Variants in DACH1 observed in about 807,000 individuals in gnomAD.
DACH1 encodes the protein dachshund homolog 1.
DACH1 carries 12 observed loss-of-function variants against 54.2 expected under a neutral mutation model. The ratio of observed to expected loss-of-function variants is 0.22; its 90% CI spans 0.14 to 0.36. The LOEUF is 0.36. DACH1 is among the 10% of genes least tolerant of loss of function. The probability of loss-of-function intolerance (pLI) is 1.00; values close to 1 mark genes in which losing one functional copy is unlikely to be tolerated. For synonymous variants in DACH1, 386 were observed against 366.2 expected, an observed-to-expected ratio of 1.05 and a Z score of -0.62; for missense variants, 805 against 929.8, an observed-to-expected ratio of 0.87 and a Z score of 1.75.
At chr13:71,592,449 C>T (rs1022765030) in intron 3 of DACH1, among the ~76,000 whole-genome samples, 1 of 137,158 alleles carries the variant, frequency 7.3e-6, no homozygotes, top group Non-Finnish European at 1.5e-5. Flanking sequence ...GAGTCATAAC[C>T]GTGCCACTGC....
At chr13:71,748,859 TTTCTTTCTTTCTTTCTTTCTTTCTTTC>T (rs1884732451) in intron 1 of DACH1, among the ~76,000 whole-genome samples, 4 of 23,506 alleles carry the variant, frequency 1.7e-4, no homozygotes, top group Non-Finnish European at 7.4e-4. Context: ...TCTTTCTTTC[TTTCTTTCTTTCTTTCTTTCTTTCTTTC>T]TTTCTTTCTT....
intron 7 of DACH1, among the ~76,000 whole-genome samples, chr13:71,486,306 C>T (rs1002536600): frequency 6.6e-6 from 1 of 151,746 alleles, no homozygotes; most frequent in African/African-American, 2.4e-5. Context: ...AAGTATGTAC[C>T]ATTTTGGCAT....
At chr13:71,816,465 T>A (rs1887924514) in intron 1 of DACH1, among the ~76,000 whole-genome samples, 1 of 151,604 alleles carries the variant, frequency 6.6e-6, no homozygotes, top group African/African-American at 2.4e-5. Context: ...GCGTGTTCAG[T>A]GCTGCACTAG....
At chr13:71,532,854 A>G (rs1359903443) in intron 6 of DACH1, among the ~76,000 whole-genome samples, 1 of 151,938 alleles carries the variant, frequency 6.6e-6, no homozygotes, top group African/African-American at 2.4e-5. Context: ...TATTTTTATG[A>G]ATCAAATAAA....
At chr13:71,448,386 A>G (rs1874661742) in intron 10 of DACH1, among the ~76,000 whole-genome samples, 1 of 152,242 alleles carries the variant, frequency 6.6e-6, no homozygotes, top group Non-Finnish European at 1.5e-5. Flanking sequence ...ATGAAAACAA[A>G]TGTTAATGAT....
At chr13:71,779,495 A>G (rs1462409660) in intron 1 of DACH1, among the ~76,000 whole-genome samples, 1 of 151,434 alleles carries the variant, frequency 6.6e-6, no homozygotes, top group Non-Finnish European at 1.5e-5. Flanking sequence ...TGAGTAAGAC[A>G]CATTAATTTC....
At chr13:71,841,067 A>C (rs968904352) in intron 1 of DACH1, among the ~76,000 whole-genome samples, 2 of 152,024 alleles carry the variant, frequency 1.3e-5, no homozygotes, top group African/African-American at 4.8e-5. Flanking sequence ...TTTTCCTGGC[A>C]GCTGTATATT....
At chr13:71,732,456 G>T (rs1047578786) in intron 1 of DACH1, among the ~76,000 whole-genome samples, 1 of 151,720 alleles carries the variant, frequency 6.6e-6, no homozygotes, top group Admixed American at 6.6e-5. Flanking sequence ...GTGGTGGTCG[G>T]TACCTGTAAT....
chr13:71,528,846 A>T (rs1161022160), intron 6 of DACH1, among the ~76,000 whole-genome samples: 1 of 152,128 alleles, frequency 6.6e-6, no homozygotes, highest in Non-Finnish European at 1.5e-5. Context: ...GTACTGTCTC[A>T]CACTAAATGT....
chr13:71,507,185 A>G (rs1406756318), intron 6 of DACH1, among the ~76,000 whole-genome samples: 2 of 152,170 alleles, frequency 1.3e-5, no homozygotes, highest in Non-Finnish European at 2.9e-5. Context: ...TCCCCGATCT[A>G]TCCATGCAGT....
rs1280040020 is a variant in DACH1, at chr13:71,786,794, G to GA, written c.848+79127dup. Reference sequence around the variant, plus strand: ...AAACTTCTATCAGAATTTCAGAGGGGAAAAAAAAGCTTTTCTAATGTTTCT... The same window carrying GA: ...AAACTTCTATCAGAATTTCAGAGGGGAAAAAAAAAGCTTTTCTAATGTTTCT... On this transcript the variant is annotated intron_variant, in intron 1 of 10. Coordinates refer to ENST00000613252, the MANE Select transcript of DACH1 (RefSeq NM_080759.6). Among the ~76,000 whole-genome samples, 13 of 151,480 alleles carry GA rather than the reference G, an allele frequency of 8.6e-5. No homozygotes were observed. In the South Asian group the frequency reaches 2.5e-3, roughly 29 times the overall value.
intron 3 of DACH1, among the ~76,000 whole-genome samples, chr13:71,591,412 T>G (rs1873700763): frequency 6.6e-6 from 1 of 152,186 alleles, no homozygotes. Context: ...TATAAATAGT[T>G]ACCACATTAG....
At chr13:71,707,781 CA>C (rs1017032267) in intron 1 of DACH1, among the ~76,000 whole-genome samples, 33 of 152,004 alleles carry the variant, frequency 2.2e-4, no homozygotes, top group Non-Finnish European at 1.6e-4. Context: ...TAGAGGGTGG[CA>C]TCTTTAATAG....
chr13:71,610,283 G>C (rs539159440), intron 3 of DACH1, among the ~76,000 whole-genome samples: 3 of 152,226 alleles, frequency 2.0e-5, no homozygotes, highest in Admixed American at 1.3e-4. Flanking sequence ...ATGTTTTATA[G>C]AGCATTGTAC....
chr13:71,455,737 T>C (rs1202866984), intron 10 of DACH1, among the ~76,000 whole-genome samples: 1 of 152,144 alleles, frequency 6.6e-6, no homozygotes, highest in African/African-American at 2.4e-5. Flanking sequence ...TCTAAAAAGA[T>C]ACCAGATTGA....
chr13:71,738,630 G>A (rs1462405164), intron 1 of DACH1, among the ~76,000 whole-genome samples: 1 of 148,840 alleles, frequency 6.7e-6, no homozygotes, highest in Non-Finnish European at 1.5e-5. Flanking sequence ...TACTCAGGAG[G>A]CTGAGGCAGG....
intron 1 of DACH1, among the ~76,000 whole-genome samples, chr13:71,697,138 C>T (rs1881874294): frequency 1.3e-5 from 2 of 152,026 alleles, no homozygotes; most frequent in African/African-American, 4.8e-5. Flanking sequence ...ATCTGTCTTG[C>T]ATATTTCATG....
chr13:71,549,826 A>G, intron 6 of DACH1, among the ~76,000 whole-genome samples: 1 of 152,128 alleles, frequency 6.6e-6, no homozygotes, highest in East Asian at 1.9e-4. Flanking sequence ...CTTGTAGCCT[A>G]TTCACATCTA....
chr13:71,692,670 G>A (rs7998104), intron 1 of DACH1, among the ~76,000 whole-genome samples: 9,559 of 151,322 alleles, frequency 0.063, 893 homozygotes, highest in African/African-American at 0.21. Flanking sequence ...CTACAGGCGT[G>A]CACCACCATG....
Sources: allele counts gnomAD v4.1 joint callset (sites outside exome capture counted in the v4.1 genomes callset), GRCh38; gene constraint gnomAD v4.1.1; transcripts MANE v1.5; gene names NCBI Gene and HGNC (gene_info 2026-07-23, HGNC 2026-07-21).